The following SEC16A variants were observed in gnomAD, a reference collection of about 807,000 sequenced individuals.
The protein encoded by SEC16A is protein transport protein Sec16A.
In SEC16A, 110 loss-of-function variants were observed where a neutral mutation model predicts 221.9. That is an observed-to-expected ratio of 0.50 (90% CI 0.42 to 0.58). The LOEUF (loss-of-function observed/expected upper bound fraction) is 0.58, where lower values mean the gene tolerates loss of function less well. SEC16A is among the 20% of genes least tolerant of loss of function. The pLI is 0.00. For missense variants in SEC16A, 3,165 were observed against 3,097.8 expected (o/e 1.02, Z -0.52); for synonymous variants, 1,393 against 1,257.7 (o/e 1.11, Z -2.28).
rs916439113 is a variant in SEC16A, at chr9:136,465,933, G to A, written c.4303+29C>T. The A allele has an allele frequency of 4.3e-5, 68 of 1,594,596 alleles. 1 individual carries two copies. The Admixed American group carries it at 6.2e-4, about 15-fold the overall frequency. On this transcript the variant is annotated intron_variant, in intron 8 of 31. Transcript: ENST00000684901. ...GGTGGCCGCCCCAGTGGGGTTAGCCGGTATCCCTCTGTCCTGCTGAGCACA... is the reference window on the plus strand; with the variant it reads ...GGTGGCCGCCCCAGTGGGGTTAGCCAGTATCCCTCTGTCCTGCTGAGCACA...
At chr9:136,480,156 C>A (rs1425744038) in intron 1 of SEC16A, among the ~76,000 whole-genome samples, 1 of 152,178 alleles carries the variant, frequency 6.6e-6, no homozygotes, top group Admixed American at 6.5e-5. Context: ...ACAGGCAGAG[C>A]ATCTTCCTCT....
chr9:136,459,014 C>T lies in SEC16A; in HGVS notation c.5409+120G>A, dbSNP rs1408150897. On this transcript the variant is annotated intron_variant, in intron 17 of 31. Transcript: ENST00000684901. This position sits in a 1 kb window ranked among gnomAD's most constrained non-coding sequence, Gnocchi z 6.1. ...GATCAAATGTCTTCTCAAGATCCTC[C>T]CCCAAAAAACTCACATCATTTTTTT... is the stretch of plus-strand genomic sequence containing the variant. 5.0e-6 allele frequency: 3 copies of T among 596,800 alleles called. No homozygotes were observed. Among genetic ancestry groups the T allele is most frequent in the Non-Finnish European group, 5.8e-6 (2 of 346,798 alleles). 37.0% of individuals were successfully genotyped at this position (596,800 alleles called of 1,614,324 possible). A position where few individuals can be genotyped will look rare whatever the true frequency, so the allele number is the denominator to read the frequency against.
chr9:136,453,069 C>CAAA (rs372314249), intron 22 of SEC16A, among the ~76,000 whole-genome samples: 115 of 64,790 alleles, frequency 1.8e-3, no homozygotes, highest in East Asian at 0.011. Flanking sequence ...GAATCTGTCT[C>CAAA]AAAAAAAAAA....
intron 5 of SEC16A, 101 bp downstream of exon 5, chr9:136,468,314 G>T: frequency 1.5e-6 from 1 of 653,278 alleles, no homozygotes; most frequent in East Asian, 2.8e-5. Context: ...GACATTTCCT[G>T]GAAGTCACCA....
rs755128785 is a variant in SEC16A at position 136,447,597 on chromosome 9, G to A, written c.6531C>T (p.Ala2177=). The stretch of plus-strand genomic sequence containing the variant: ...CTCTTCTAGAGTACATGTTCACGGG[G>A]GCTCCAGGAGGCCCTGGGAGGGCAG... ...APPALPGPPG[A]PVNMYSRRAA... Residue 2177 remains alanine, a synonymous_variant, in exon 26 of 32, where the codon GCC becomes GCT. Transcript: ENST00000684901. The surrounding 1 kb of genome is among the most constrained non-coding windows in gnomAD (Gnocchi z 5.5). 1 of 1,613,734 alleles carries A rather than the reference G, an allele frequency of 6.2e-7. No homozygotes were observed. The highest frequency in any genetic ancestry group is 2.2e-5 in the East Asian group (1 of 44,888).
At position 136,447,039 on chromosome 9, in the gene SEC16A, A is replaced by C. The variant is rs771073969; in HGVS notation, c.6698-90T>G. On this transcript the variant is annotated intron_variant, in intron 27 of 31. Transcript: ENST00000684901. This position sits in a 1 kb window ranked among gnomAD's most constrained non-coding sequence, Gnocchi z 5.5. ...CACTCCGAGAGGAAGAGAGTTTCAC[A>C]CTGCACACGCGGCACACTCATGCAG... 6.3e-7 allele frequency: 1 copy of C among 1,598,236 alleles called. No individual in the cohort carries two copies. Among genetic ancestry groups the C allele is most frequent in the Non-Finnish European group, 8.5e-7 (1 of 1,173,698 alleles).
Position 136,455,730 on chromosome 9 carries a change from A to G in SEC16A, c.5728T>C (p.Ser1910Pro). Reference sequence around the variant, plus strand: ...GGCCTGTCCAACTGCTCCATCTCGGAACTCGGAGTGCCAGGACACTGCTGC... The same window carrying G: ...GGCCTGTCCAACTGCTCCATCTCGGGACTCGGAGTGCCAGGACACTGCTGC... Reference protein sequence around the residue: ...LPQQCPGTPSSEMEQLDRPGL... With the variant: ...LPQQCPGTPSPEMEQLDRPGL... Residue 1910 changes from serine (S) to proline (P), a missense_variant, in exon 20 of 32, where the codon TCC (serine) becomes CCC (proline). Coordinates refer to ENST00000684901, the MANE Select transcript of SEC16A (RefSeq NM_014866.2). 3 of 1,597,596 alleles carry G rather than the reference A, an allele frequency of 1.9e-6. No homozygotes were observed. The highest frequency in any genetic ancestry group is 2.6e-6 in the Non-Finnish European group (3 of 1,172,620).
chr9:136,454,774 A>T (rs1838371051), intron 20 of SEC16A, among the ~76,000 whole-genome samples: 1 of 152,250 alleles, frequency 6.6e-6, no homozygotes, highest in Non-Finnish European at 1.5e-5. Flanking sequence ...CAACAAAAGA[A>T]ATGCTGGGTC....
upstream of SEC16A, chr9:136,483,470 CG>C (rs1391116566): frequency 5.2e-6 from 5 of 952,838 alleles, no homozygotes; most frequent in Non-Finnish European, 6.2e-6. Flanking sequence ...CTTCCCCGCC[CG>C]TGGCCCCGCC....
rs7865065 is a variant in SEC16A at position 136,441,857 on chromosome 9, C to A, written c.7006-34G>T. Reference sequence around the variant, plus strand: ...AAATCAACAGCATGACCTCTGCATGCCTGCCCCCAGGGTGAGCAGTGCTCG... The same window carrying A: ...AAATCAACAGCATGACCTCTGCATGACTGCCCCCAGGGTGAGCAGTGCTCG... On this transcript the variant is annotated intron_variant, in intron 31 of 31. Transcript: ENST00000684901. 7,036 of 1,597,812 alleles carry A rather than the reference C, an allele frequency of 4.4e-3. 280 individuals are homozygous for A. The African/African-American group carries it at 0.079, about 18-fold the overall frequency.
Position 136,463,525 on chromosome 9 carries a change from T to G in SEC16A, c.4585A>C (p.Ile1529Leu). 2 of 1,613,894 alleles carry G rather than the reference T, an allele frequency of 1.2e-6. No individual in the cohort carries two copies. The highest frequency in any genetic ancestry group is 1.7e-6 in the Non-Finnish European group (2 of 1,179,850). Residue 1529 changes from isoleucine (I) to leucine (L), a missense_variant, in exon 11 of 32, where the codon ATT (isoleucine) becomes CTT (leucine). By Grantham distance (5) the Ile-to-Leu change is conservative (BLOSUM62 2). Around this residue, in one of 3 missense-constraint regions of SEC16A, gnomAD observed 1,088 missense variants for 1,089.6 expected, o/e 1.00. Coordinates refer to ENST00000684901, the MANE Select transcript of SEC16A (RefSeq NM_014866.2). Reference protein sequence around the residue: ...AMKCLQNENLIDKESASLLWN... With the variant: ...AMKCLQNENLLDKESASLLWN... ...AGAAGACTTGCAGACTCTTTGTCAA[T>G]TAAGTTTTCATTCTGCAAACATTTC... is the stretch of plus-strand genomic sequence containing the variant.
rs544788818 is a variant in SEC16A at position 136,463,838 on chromosome 9, G to C, written c.4447-98C>G. 6.0e-6 allele frequency: 8 copies of C among 1,333,074 alleles called. No individual in the cohort carries two copies. The African/African-American group carries it at 1.0e-4, about 17-fold the overall frequency. The allele number at this position is 1,333,074 out of a possible 1,614,324, so 82.6% of individuals were successfully genotyped here. A position where few individuals can be genotyped will look rare whatever the true frequency, so the allele number is the denominator to read the frequency against. ...CACGGATGCTGCCCGTGAGAGGAGAGGATGGCATGGCCCACCTGCCCCGCC... is the reference window on the plus strand; with the variant it reads ...CACGGATGCTGCCCGTGAGAGGAGACGATGGCATGGCCCACCTGCCCCGCC... On this transcript the variant is annotated intron_variant, in intron 9 of 31. Coordinates refer to ENST00000684901, the MANE Select transcript of SEC16A (RefSeq NM_014866.2).
intron 1 of SEC16A, 94 bp downstream of exon 1, chr9:136,482,844 C>T (rs928193152): frequency 2.3e-5 from 9 of 395,522 alleles, no homozygotes; most frequent in African/African-American, 6.5e-5. Context: ...CGCCTCCTCT[C>T]CTCCGCGCCC....
rs1201804207 is a variant in SEC16A, at chr9:136,466,514, G to A, written c.3930-52C>T. ...GAGGAATGGGAGTGCCGGAGGCCCC[G>A]TCCCCATGTGCCACGCAGCTGCCCA... On this transcript the variant is annotated intron_variant, in intron 6 of 31. Transcript: ENST00000684901. The surrounding 1 kb of genome is among the most constrained non-coding windows in gnomAD (Gnocchi z 5.5). 13 of 1,500,938 alleles carry A rather than the reference G, an allele frequency of 8.7e-6. No homozygotes were observed. Among genetic ancestry groups the A allele is most frequent in the South Asian group, 7.7e-5 (6 of 77,834 alleles). The allele number at this position is 1,500,938 out of a possible 1,614,324, so 93.0% of individuals were successfully genotyped here. A position where few individuals can be genotyped will look rare whatever the true frequency, so the allele number is the denominator to read the frequency against.
In SEC16A at chr9:136,476,455, G is replaced by C. The variant is rs1279990260; in HGVS notation, c.1161C>G (p.Leu387=). The stretch of plus-strand genomic sequence containing the variant: ...CAGATAAGCCTGCTTTTTCAGATGA[G>C]AGATTCTCCTCATTTTCTGTCTCTC... ...QGGETENEEN[L]SSEKAGLSGQ... The change falls in exon 3 of 32, where the codon CTC becomes CTG. Residue 387 remains leucine, a synonymous_variant. Transcript: ENST00000684901. The C allele has an allele frequency of 6.2e-7, 1 of 1,613,084 alleles. No individual in the cohort carries two copies.
chr9:136,440,930 A>C lies in SEC16A; in HGVS notation c.*825T>G, dbSNP rs866895238. On this transcript the variant is annotated 3_prime_UTR_variant, in exon 32 of 32. Transcript: ENST00000684901. ...TACACACGAAATGAAGCCCAAATCAAACATCACACGGTCAGTTTTCAACCT... is the reference window on the plus strand; with the variant it reads ...TACACACGAAATGAAGCCCAAATCACACATCACACGGTCAGTTTTCAACCT... The C allele has an allele frequency of 6.6e-6, 1 of 152,342 alleles. No individual in the cohort carries two copies. The highest frequency in any genetic ancestry group is 1.9e-4 in the East Asian group (1 of 5,330). 9.4% of individuals were successfully genotyped at this position (152,342 alleles called of 1,614,324 possible).
chr9:136,476,433 A>G lies in SEC16A; in HGVS notation c.1183T>C (p.Ser395Pro). Residue 395 changes from serine to proline, a missense_variant, in exon 3 of 32, where the codon TCT (serine) becomes CCT (proline). Physicochemically the swap from Ser to Pro is moderately conservative, Grantham distance 74. This residue lies in a region of SEC16A where 2,030 missense variants were observed against 1,923.1 expected (regional missense o/e 1.06). Transcript: ENST00000684901. Reference protein sequence around the residue: ...ENLSSEKAGLSGQADFDDFCS... With the variant: ...ENLSSEKAGLPGQADFDDFCS... ...AAATCGTCAAAGTCCGCTTGACCAG[A>G]TAAGCCTGCTTTTTCAGATGAGAGA... 6.2e-7 allele frequency: 1 copy of G among 1,613,108 alleles called. No homozygotes were observed. The highest frequency in any genetic ancestry group is 8.5e-7 in the Non-Finnish European group (1 of 1,179,848).
intron 3 of SEC16A, 77 bp downstream of exon 3, chr9:136,473,972 G>A (rs913447261): frequency 9.5e-5 from 138 of 1,454,820 alleles, no homozygotes; most frequent in Non-Finnish European, 1.2e-4. Flanking sequence ...ACACTACTAA[G>A]GAATACACTG....
At chr9:136,482,205 A>G (rs1327364121) in intron 1 of SEC16A, among the ~76,000 whole-genome samples, 1 of 152,230 alleles carries the variant, frequency 6.6e-6, no homozygotes, top group Non-Finnish European at 1.5e-5. Context: ...GAAACTTGCA[A>G]AAGTATCACT....
Sources: allele counts gnomAD v4.1 joint callset (sites outside exome capture counted in the v4.1 genomes callset), GRCh38; gene constraint gnomAD v4.1.1; regional missense constraint gnomAD v4.1.1; non-coding constraint Gnocchi (gnomAD v3.1); transcripts MANE v1.5; gene names NCBI Gene and HGNC (gene_info 2026-07-23, HGNC 2026-07-21).